Variants in INPP4B observed in about 807,000 individuals in gnomAD.
INPP4B encodes the protein inositol polyphosphate-4-phosphatase type II B, also known as inositol polyphosphate 4-phosphatase type II.
In INPP4B, 55 loss-of-function variants were observed where a neutral mutation model predicts 122.5. The ratio of observed to expected loss-of-function variants is 0.45; its 90% CI spans 0.36 to 0.56. INPP4B has a LOEUF of 0.56. INPP4B is among the 20% of genes least tolerant of loss of function. INPP4B has a pLI of 0.00. For synonymous variants in INPP4B, 403 were observed against 388.7 expected, an observed-to-expected ratio of 1.04 and a Z score of -0.43; for missense variants, 1,000 against 1,097.7, an observed-to-expected ratio of 0.91 and a Z score of 1.26.
At chr4:142,207,140 T>C (rs558862612) in intron 14 of INPP4B, among the ~76,000 whole-genome samples, 1 of 152,300 alleles carries the variant, frequency 6.6e-6, no homozygotes, top group South Asian at 2.1e-4. Flanking sequence ...TTTTCTTCTT[T>C]ATAAGGCTGA....
At chr4:142,322,151 T>G (rs746389626) in intron 7 of INPP4B, among the ~76,000 whole-genome samples, 8 of 152,174 alleles carry the variant, frequency 5.3e-5, no homozygotes, top group Non-Finnish European at 1.0e-4. Flanking sequence ...CTTTCTAAAA[T>G]CTATCAGCTA....
chr4:142,624,196 T>C (rs1047591806), intron 2 of INPP4B, among the ~76,000 whole-genome samples: 2 of 152,108 alleles, frequency 1.3e-5, no homozygotes, highest in South Asian at 4.2e-4. Context: ...CAGTATAAAG[T>C]GTTCCTATTT....
chr4:142,250,808 C>T (rs1281517035), intron 11 of INPP4B, among the ~76,000 whole-genome samples: 3 of 152,090 alleles, frequency 2.0e-5, no homozygotes, highest in East Asian at 3.9e-4. Flanking sequence ...GGACTACAGA[C>T]ATTTAGAAAT....
intron 25 of INPP4B, among the ~76,000 whole-genome samples, chr4:142,043,629 A>T (rs1252848848): frequency 1.1e-4 from 1 of 9,412 alleles, no homozygotes; most frequent in East Asian, 0.015. Flanking sequence ...ATGAGGAGGC[A>T]AAAAAAAAAT....
chr4:142,796,645 A>C (rs1777276678), intron 1 of INPP4B, among the ~76,000 whole-genome samples: 1 of 151,886 alleles, frequency 6.6e-6, no homozygotes, highest in Non-Finnish European at 1.5e-5. Context: ...CACAAAAAAA[A>C]GTCTAAAAGA....
intron 7 of INPP4B, among the ~76,000 whole-genome samples, chr4:142,382,572 T>G (rs1794509262): frequency 9.4e-6 from 1 of 106,318 alleles, no homozygotes; most frequent in South Asian, 2.3e-4. Flanking sequence ...TGTTTATATA[T>G]TATATATTAT....
intron 2 of INPP4B, among the ~76,000 whole-genome samples, chr4:142,626,383 GA>G (rs1056557381): frequency 2.6e-5 from 4 of 151,968 alleles, no homozygotes; most frequent in Non-Finnish European, 2.9e-5. Flanking sequence ...TTTGACATGA[GA>G]GATTCTCCAA....
At chr4:142,572,617 C>T (rs549213167) in intron 2 of INPP4B, among the ~76,000 whole-genome samples, 24 of 151,910 alleles carry the variant, frequency 1.6e-4, no homozygotes, top group Admixed American at 4.6e-4. Flanking sequence ...TTTAGTGATC[C>T]GAGATTTTTC....
rs576988133 is a variant in INPP4B at position 142,633,376 on chromosome 4, TAGA to T, written c.-191+92460_-191+92462del. ...AGTAAATGCTGAAGATAAATGCAAG[TAGA>T]AGAACAATACCATTAACTGAAAAAT... On this transcript the variant is annotated intron_variant, in intron 2 of 25. Transcript: ENST00000262992. Among the ~76,000 whole-genome samples, 126 of 152,202 alleles carry T rather than the reference TAGA, an allele frequency of 8.3e-4. 4 individuals carry two copies. In the South Asian group the frequency reaches 0.024, roughly 29 times the overall value.
At chr4:142,406,859 G>A (rs1302218686) in intron 5 of INPP4B, among the ~76,000 whole-genome samples, 1 of 152,134 alleles carries the variant, frequency 6.6e-6, no homozygotes, top group African/African-American at 2.4e-5. Context: ...TAGAACTAGA[G>A]GCTTGGAAAC....
chr4:142,372,262 G>C (rs1790215659), intron 7 of INPP4B, among the ~76,000 whole-genome samples: 1 of 152,032 alleles, frequency 6.6e-6, no homozygotes, highest in Non-Finnish European at 1.5e-5. Context: ...TAGAATAATG[G>C]TTACCAGAGT....
intron 2 of INPP4B, among the ~76,000 whole-genome samples, chr4:142,563,619 C>T (rs59732892): frequency 0.25 from 38,026 of 152,044 alleles, 5,920 homozygotes; most frequent in East Asian, 0.77. Context: ...TTGAGTATCT[C>T]CAATCAAGAA....
At chr4:142,462,025 G>A (rs1283327562) in intron 3 of INPP4B, among the ~76,000 whole-genome samples, 1 of 152,036 alleles carries the variant, frequency 6.6e-6, no homozygotes, top group African/African-American at 2.4e-5. Context: ...TCCCTTCTGT[G>A]ACTTTGCTGT....
At chr4:142,248,210 C>G (rs1729913766) in intron 11 of INPP4B, among the ~76,000 whole-genome samples, 1 of 152,064 alleles carries the variant, frequency 6.6e-6, no homozygotes, top group South Asian at 2.1e-4. Flanking sequence ...TGGATTACAT[C>G]TATATCCAGA....
intron 2 of INPP4B, among the ~76,000 whole-genome samples, chr4:142,548,778 T>A (rs917218377): frequency 2.7e-5 from 4 of 146,378 alleles, no homozygotes; most frequent in African/African-American, 1.0e-4. Context: ...TGTGTGTGTA[T>A]ACATATATAT....
chr4:142,680,394 ATTTGT>A (rs1758452687), intron 2 of INPP4B, among the ~76,000 whole-genome samples: 1 of 151,834 alleles, frequency 6.6e-6, no homozygotes, highest in Admixed American at 6.6e-5. Context: ...TAACATTATA[ATTTGT>A]TTTAACTTTG....
intron 16 of INPP4B, among the ~76,000 whole-genome samples, chr4:142,161,965 C>T (rs929514353): frequency 1.1e-4 from 17 of 151,776 alleles, no homozygotes; most frequent in Middle Eastern, 3.4e-3. Flanking sequence ...ACTCACCACC[C>T]GCCATAAAAC....
chr4:142,722,044 T>C (rs893559680), intron 2 of INPP4B, among the ~76,000 whole-genome samples: 3 of 151,942 alleles, frequency 2.0e-5, no homozygotes, highest in Non-Finnish European at 2.9e-5. Flanking sequence ...TTTTTACAAT[T>C]ATATTGAAGA....
At chr4:142,289,961 C>T (rs1755625955) in intron 9 of INPP4B, among the ~76,000 whole-genome samples, 1 of 152,072 alleles carries the variant, frequency 6.6e-6, no homozygotes, top group South Asian at 2.1e-4. Flanking sequence ...CCCTGCAAAC[C>T]ACCATCACTC....
Sources: gnomAD v4.1 joint callset for allele counts (sites outside exome capture counted in the v4.1 genomes callset) on GRCh38, gnomAD v4.1.1 for gene constraint, MANE v1.5 for transcripts, NCBI Gene and HGNC (gene_info 2026-07-23, HGNC 2026-07-21) for gene names.